Variants in ABCG1 observed in about 807,000 individuals in gnomAD.
ABCG1 encodes the protein ATP binding cassette subfamily G member 1.
ABCG1 carries 29 observed loss-of-function variants against 69.2 expected under a neutral mutation model. That is an observed-to-expected ratio of 0.42 (90% CI 0.31 to 0.57). ABCG1 has a LOEUF of 0.57. ABCG1 is among the 20% of genes least tolerant of loss of function. The pLI, the probability that ABCG1 is intolerant of heterozygous loss-of-function variation, is 0.15. For synonymous variants in ABCG1, 370 were observed against 374.8 expected (o/e 0.99, Z 0.15); for missense variants, 718 against 898.1 (o/e 0.80, Z 2.56).
chr21:42,266,113 AAC>A (rs1297368422), intron 2 of ABCG1, among the ~76,000 whole-genome samples: 1 of 152,112 alleles, frequency 6.6e-6, no homozygotes, highest in Non-Finnish European at 1.5e-5. Context: ...CATCCTGGCT[AAC>A]ACAGTGAAAC....
intron 2 of ABCG1, among the ~76,000 whole-genome samples, chr21:42,237,206 A>G (rs1314822330): frequency 1.3e-5 from 2 of 152,210 alleles, no homozygotes; most frequent in Non-Finnish European, 2.9e-5. Context: ...CTATACCTCA[A>G]TATCTGAGTT....
In ABCG1 at chr21:42,287,961, G is replaced by A. The variant is rs756353022; in HGVS notation, c.1046G>A (p.Cys349Tyr). Reference sequence around the variant, plus strand: ...GTGAGAGCGGTTCGGGAGGGCATGTGTGACTCAGACCACAAGAGAGACCTC... The same window carrying A: ...GTGAGAGCGGTTCGGGAGGGCATGTATGACTCAGACCACAAGAGAGACCTC... ...RLVRAVREGM[C>Y]DSDHKRDLGG... Residue 349 changes from cysteine (C) to tyrosine (Y), a missense_variant, in exon 9 of 15, where the codon TGT becomes TAT. Cys to Tyr is a radical substitution (Grantham distance 194). Coordinates refer to ENST00000398449, the MANE Select transcript of ABCG1 (RefSeq NM_016818.3). The surrounding 1 kb of genome is among the most constrained non-coding windows in gnomAD (Gnocchi z 6.2). 2.5e-6 allele frequency: 4 copies of A among 1,613,856 alleles called. No homozygotes were observed. The Admixed American group carries it at 6.7e-5, about 27-fold the overall frequency.
intron 2 of ABCG1, chr21:42,260,102 C>G (rs2068380667): frequency 1.3e-6 from 2 of 1,550,512 alleles, no homozygotes; most frequent in East Asian, 4.9e-5. Context: ...CAGGAAGGGC[C>G]TATGGTTGGG....
At chr21:42,280,036 C>A (rs2068778976) in intron 5 of ABCG1, among the ~76,000 whole-genome samples, 1 of 152,238 alleles carries the variant, frequency 6.6e-6, no homozygotes, top group Admixed American at 6.5e-5. Context: ...TGGCGCCGTC[C>A]TCAGATTCCT....
At chr21:42,207,911 C>T (rs1031020965) in intron 2 of ABCG1, among the ~76,000 whole-genome samples, 1 of 152,230 alleles carries the variant, frequency 6.6e-6, no homozygotes, top group Admixed American at 6.5e-5. Context: ...CCTGTCACCA[C>T]CCCAGCAAGG....
intron 6 of ABCG1, among the ~76,000 whole-genome samples, chr21:42,284,294 C>T (rs926281189): frequency 6.6e-5 from 10 of 150,408 alleles, no homozygotes; most frequent in Non-Finnish European, 1.2e-4. Flanking sequence ...GACCCCCCCC[C>T]AGTCCTGGAC....
At position 42,288,085 on chromosome 21, in the gene ABCG1, C is replaced by A; in HGVS notation, c.1122+48C>A. ...AGGGGTTGAGAAAGGTAATGCAAAT[C>A]CCGAAGCCCCCTGGGGGAGGCTGCA... On this transcript the variant is annotated intron_variant, in intron 9 of 14. Coordinates refer to ENST00000398449, the MANE Select transcript of ABCG1 (RefSeq NM_016818.3). The surrounding 1 kb of genome is among the most constrained non-coding windows in gnomAD (Gnocchi z 4.8). 5 of 1,603,954 alleles carry A rather than the reference C, an allele frequency of 3.1e-6. No homozygotes were observed. Among genetic ancestry groups the A allele is most frequent in the Non-Finnish European group, 4.3e-6 (5 of 1,172,156 alleles).
chr21:42,257,846 C>T (rs1215947819), intron 2 of ABCG1, among the ~76,000 whole-genome samples: 1 of 152,284 alleles, frequency 6.6e-6, no homozygotes, highest in African/African-American at 2.4e-5. Flanking sequence ...ATCCTTCCCT[C>T]CATCCATCAC....
At chr21:42,246,853 G>T (rs1205932843) in intron 2 of ABCG1, among the ~76,000 whole-genome samples, 1 of 152,076 alleles carries the variant, frequency 6.6e-6, no homozygotes, top group Non-Finnish European at 1.5e-5. Flanking sequence ...TTTGTTCTGA[G>T]CAAGAAGGTT....
chr21:42,204,685 T>G (rs1601327312), intron 2 of ABCG1, among the ~76,000 whole-genome samples: 1 of 152,342 alleles, frequency 6.6e-6, no homozygotes, highest in South Asian at 2.1e-4. Context: ...TGAGGGCCAT[T>G]GGTCTGCAGT....
At chr21:42,201,472 G>C (rs1334435622) in intron 1 of ABCG1, 7 of 686,566 alleles carry the variant, frequency 1.0e-5, no homozygotes, top group African/African-American at 1.8e-5. Flanking sequence ...CCACGGACTG[G>C]TCTGCAGCCC....
upstream of ABCG1, chr21:42,219,006 G>A (rs576285549): frequency 1.9e-4 from 43 of 228,858 alleles, no homozygotes; most frequent in Non-Finnish European, 2.3e-4. The surrounding 1 kb of genome is among the most constrained non-coding windows in gnomAD (Gnocchi z 5.3). Flanking sequence ...AGGGGTCCTG[G>A]TCCGCCGCCC....
At chr21:42,245,226 A>G (rs1372840782) in intron 2 of ABCG1, among the ~76,000 whole-genome samples, 1 of 152,232 alleles carries the variant, frequency 6.6e-6, no homozygotes, top group Non-Finnish European at 1.5e-5. Context: ...CTGAAAAGCC[A>G]CAGATGGAAG....
chr21:42,230,132 A>T lies in ABCG1; in HGVS notation c.286+4218A>T, dbSNP rs77125353. On this transcript the variant is annotated intron_variant, in intron 2 of 14. Coordinates refer to ENST00000398449, the MANE Select transcript of ABCG1 (RefSeq NM_016818.3). ...AGAGATGCCAGGCACTGATTCTGTA[A>T]AACTTTTGAGCTTGACAGTTACTAA... Among the ~76,000 whole-genome samples the T allele has an allele frequency of 1.8e-3, 281 of 152,380 alleles. 3 individuals carry two copies. Among genetic ancestry groups the T allele is most frequent in the African/African-American group, 6.5e-3 (272 of 41,594 alleles).
At chr21:42,268,002 T>A (rs2068545428) in intron 2 of ABCG1, among the ~76,000 whole-genome samples, 1 of 152,186 alleles carries the variant, frequency 6.6e-6, no homozygotes, top group Non-Finnish European at 1.5e-5. Context: ...CTGGGTTGTG[T>A]CTAAGCTCTG....
At chr21:42,260,131 T>C (rs1157924097) in intron 2 of ABCG1, 17 of 1,550,350 alleles carry the variant, frequency 1.1e-5, no homozygotes, top group South Asian at 2.4e-5. Flanking sequence ...GGCGATCCCA[T>C]GGAGGAAGGT....
At chr21:42,252,248 G>A (rs952102593) in intron 2 of ABCG1, among the ~76,000 whole-genome samples, 1 of 152,180 alleles carries the variant, frequency 6.6e-6, no homozygotes, top group African/African-American at 2.4e-5. Flanking sequence ...TCCTGCTTCT[G>A]GAAGCTTTCC....
intron 2 of ABCG1, chr21:42,259,516 T>C (rs2068368558): frequency 6.5e-7 from 1 of 1,540,132 alleles, no homozygotes; most frequent in Non-Finnish European, 8.8e-7. Flanking sequence ...GTGCATTGAC[T>C]GAGGCTGGCT....
intron 2 of ABCG1, among the ~76,000 whole-genome samples, chr21:42,261,213 CT>C (rs199667353): frequency 0.025 from 3,746 of 152,018 alleles, 152 homozygotes; most frequent in African/African-American, 0.086. Context: ...ACCACCCCCC[CT>C]CTCCCGCCCC....
Sources: gnomAD v4.1 joint callset for allele counts (sites outside exome capture counted in the v4.1 genomes callset) on GRCh38, gnomAD v4.1.1 for gene constraint, Gnocchi (gnomAD v3.1) non-coding constraint, MANE v1.5 for transcripts, NCBI Gene and HGNC (gene_info 2026-07-23, HGNC 2026-07-21) for gene names.